RORA: variants seen among roughly 807,000 people sequenced by gnomAD.
The protein encoded by RORA is RAR related orphan receptor A, also known as nuclear receptor ROR-alpha.
Under a neutral mutation model 69.5 loss-of-function variants are expected in RORA, and 7 were observed. The observed-to-expected ratio is 0.10, with a 90% CI of 0.06 to 0.19. RORA has a LOEUF of 0.19. Among genes scored for constraint, RORA ranks in the 10% least tolerant of loss-of-function variants. The probability of loss-of-function intolerance (pLI) is 1.00; values close to 1 mark genes in which losing one functional copy is unlikely to be tolerated. For missense variants in RORA, 457 were observed against 663.0 expected (o/e 0.69, Z 3.41); for synonymous variants, 261 against 240.8 (o/e 1.08, Z -0.78).
intron 2 of RORA, among the ~76,000 whole-genome samples, chr15:60,638,804 A>G (rs1378462465): frequency 2.0e-5 from 3 of 152,224 alleles, no homozygotes; most frequent in Non-Finnish European, 4.4e-5. Flanking sequence ...GTAAGTTTTC[A>G]GTGGAAATAA....
chr15:61,119,715 T>G (rs985384335), intron 1 of RORA, among the ~76,000 whole-genome samples: 1 of 152,094 alleles, frequency 6.6e-6, no homozygotes, highest in African/African-American at 2.4e-5. Flanking sequence ...CCAACCACAG[T>G]TATTCTTGTG....
chr15:60,722,597 G>C (rs753999733), intron 1 of RORA, among the ~76,000 whole-genome samples: 18 of 152,174 alleles, frequency 1.2e-4, no homozygotes, highest in Non-Finnish European at 2.4e-4. Context: ...TCCCACCTAA[G>C]GACATCATGT....
intron 1 of RORA, among the ~76,000 whole-genome samples, chr15:60,944,785 C>T (rs1259514089): frequency 1.3e-5 from 2 of 151,272 alleles, no homozygotes; most frequent in South Asian, 2.1e-4. Context: ...TTCCAATAAT[C>T]GTCCCTGCAG....
At chr15:60,679,871 CAA>C (rs1348969993) in intron 1 of RORA, among the ~76,000 whole-genome samples, 1 of 152,158 alleles carries the variant, frequency 6.6e-6, no homozygotes, top group African/African-American at 2.4e-5. Context: ...TAGCCCAACT[CAA>C]ATTCTTCTCC....
intron 1 of RORA, among the ~76,000 whole-genome samples, chr15:60,994,052 A>G (rs1375015269): frequency 6.6e-6 from 1 of 152,218 alleles, no homozygotes; most frequent in Non-Finnish European, 1.5e-5. Flanking sequence ...CTTTGGGTTC[A>G]TCATGAAATG....
chr15:61,017,778 T>C (rs892291536), intron 1 of RORA, among the ~76,000 whole-genome samples: 1 of 152,216 alleles, frequency 6.6e-6, no homozygotes. Context: ...CCACAAAGCA[T>C]ATTTTTGCAT....
intron 1 of RORA, among the ~76,000 whole-genome samples, chr15:60,934,068 T>A (rs1178857157): frequency 6.6e-6 from 1 of 152,158 alleles, no homozygotes; most frequent in African/African-American, 2.4e-5. Flanking sequence ...TCAATAGGGG[T>A]GGGTCACAGT....
intron 1 of RORA, among the ~76,000 whole-genome samples, chr15:61,169,182 T>G (rs1226531748): frequency 6.6e-6 from 1 of 151,870 alleles, no homozygotes; most frequent in East Asian, 1.9e-4. Flanking sequence ...ACGCCAGGCA[T>G]CTGTGGAACT....
At chr15:60,624,944 T>G (rs1325450604) in intron 2 of RORA, among the ~76,000 whole-genome samples, 4 of 152,192 alleles carry the variant, frequency 2.6e-5, no homozygotes, top group Non-Finnish European at 5.9e-5. Context: ...GGCCCTGGCA[T>G]ATTGAGAGCA....
At chr15:60,596,050 G>A (rs1456554099) in intron 2 of RORA, among the ~76,000 whole-genome samples, 2 of 152,192 alleles carry the variant, frequency 1.3e-5, no homozygotes, top group Non-Finnish European at 2.9e-5. Flanking sequence ...ATTGGTGCCA[G>A]TCTTCCTATG....
At chr15:60,583,901 C>T (rs572746789) in intron 2 of RORA, among the ~76,000 whole-genome samples, 1 of 152,310 alleles carries the variant, frequency 6.6e-6, no homozygotes, top group East Asian at 1.9e-4. Flanking sequence ...GTTCCCAAAC[C>T]TGTCTTATCC....
chr15:61,060,144 T>C (rs2078162429), intron 1 of RORA, among the ~76,000 whole-genome samples: 1 of 152,168 alleles, frequency 6.6e-6, no homozygotes, highest in Non-Finnish European at 1.5e-5. Flanking sequence ...TAGAGCACAA[T>C]GTGGTTCCAG....
Position 60,495,829 on chromosome 15 carries a change from T to G in RORA, c.*1626A>C, listed in dbSNP as rs2065153491. The G allele has an allele frequency of 6.8e-6, 1 of 147,248 alleles. No individual in the cohort carries two copies. 9.1% of individuals were successfully genotyped at this position (147,248 alleles called of 1,614,324 possible). ...TATGCACATCTGTTTATCAGACTATTCCTTTCCCCTTCCCCCACTAGGGAT... is the reference window on the plus strand; with the variant it reads ...TATGCACATCTGTTTATCAGACTATGCCTTTCCCCTTCCCCCACTAGGGAT... On this transcript the variant is annotated 3_prime_UTR_variant, in exon 11 of 11. Coordinates refer to ENST00000335670, the MANE Select transcript of RORA (RefSeq NM_134261.3).
In RORA at chr15:60,546,936, C is replaced by G. The variant is rs16942752; in HGVS notation, c.197-15085G>C. Reference sequence around the variant, plus strand: ...CTCGTGTTGTCCCTCCCTTCAGCTTCCCACACTCACTGCTTGCGTAGCATT... The same window carrying G: ...CTCGTGTTGTCCCTCCCTTCAGCTTGCCACACTCACTGCTTGCGTAGCATT... On this transcript the variant is annotated intron_variant, in intron 2 of 10. Coordinates refer to ENST00000335670, the MANE Select transcript of RORA (RefSeq NM_134261.3). Among the ~76,000 whole-genome samples, 1,249 of 152,290 alleles carry G rather than the reference C, an allele frequency of 8.2e-3. 15 individuals are homozygous for G. Among genetic ancestry groups the G allele is most frequent in the African/African-American group, 0.029 (1,195 of 41,552 alleles).
intron 1 of RORA, among the ~76,000 whole-genome samples, chr15:60,860,058 T>C (rs758957325): frequency 6.6e-6 from 1 of 152,136 alleles, no homozygotes; most frequent in Non-Finnish European, 1.5e-5. Context: ...CTTCATCGAA[T>C]GTGGCTGGCT....
In RORA at chr15:60,996,077, T is replaced by TG. The variant is rs1474606399; in HGVS notation, c.166+232975_166+232976insC. Among the ~76,000 whole-genome samples, 510 of 99,564 alleles carry TG rather than the reference T, an allele frequency of 5.1e-3. 1 individual carries two copies. The highest frequency in any genetic ancestry group is 6.9e-3 in the Admixed American group (68 of 9,856). 65.3% of individuals were successfully genotyped at this position (99,564 alleles called of 152,430 possible). On this transcript the variant is annotated intron_variant, in intron 1 of 10. Transcript: ENST00000335670. ...GATCTAGATCTTGTTTTTTGTTTTT[T>TG]TTTTTTTTTTTGAGATGGAGTCTCA...
chr15:60,616,297 C>A (rs1196405949), intron 2 of RORA, among the ~76,000 whole-genome samples: 1 of 152,114 alleles, frequency 6.6e-6, no homozygotes, highest in East Asian at 1.9e-4. Flanking sequence ...GGTGCTATGA[C>A]GCGTCTTCAG....
intron 1 of RORA, among the ~76,000 whole-genome samples, chr15:61,205,275 T>TA (rs568465623): frequency 6.6e-6 from 1 of 152,286 alleles, no homozygotes; most frequent in South Asian, 2.1e-4. Context: ...CAGCTCTTGT[T>TA]AGAGCTGCAA....
intron 1 of RORA, among the ~76,000 whole-genome samples, chr15:61,006,988 G>A (rs978499319): frequency 3.4e-4 from 51 of 152,042 alleles, no homozygotes; most frequent in Middle Eastern, 3.4e-3. Context: ...TCCTAAATGT[G>A]TCTGATAATG....
Sources: allele counts gnomAD v4.1 joint callset (sites outside exome capture counted in the v4.1 genomes callset), GRCh38; gene constraint gnomAD v4.1.1; transcripts MANE v1.5; gene names NCBI Gene and HGNC (gene_info 2026-07-23, HGNC 2026-07-21).